SERPING1: variants seen among roughly 807,000 people sequenced by gnomAD.
The protein encoded by SERPING1 is plasma protease C1 inhibitor.
Under a neutral mutation model 34.1 loss-of-function variants are expected in SERPING1, and 5 were observed. The ratio of observed to expected loss-of-function variants is 0.15; its 90% CI spans 0.08 to 0.31. The LOEUF (loss-of-function observed/expected upper bound fraction) is 0.31. Ranked by LOEUF, SERPING1 falls within the 10% of genes least tolerant of loss-of-function variation. The probability of loss-of-function intolerance (pLI) is 1.00; values close to 1 mark genes in which losing one functional copy is unlikely to be tolerated. For synonymous variants in SERPING1, 225 were observed against 242.4 expected (o/e 0.93, Z 0.67); for missense variants, 505 against 609.5 (o/e 0.83, Z 1.81).
chr11:57,603,983 CTG>C (rs1945379691), intron 4 of SERPING1, among the ~76,000 whole-genome samples: 1 of 151,946 alleles, frequency 6.6e-6, no homozygotes, highest in Non-Finnish European at 1.5e-5. Flanking sequence ...AACCCTGTCT[CTG>C]TTAAAAATAC....
intron 6 of SERPING1, among the ~76,000 whole-genome samples, chr11:57,609,505 G>T (rs1945455089): frequency 6.6e-6 from 1 of 152,010 alleles, no homozygotes; most frequent in African/African-American, 2.4e-5. Flanking sequence ...GCTTGAACCC[G>T]GGAGGCGAAG....
In SERPING1 at chr11:57,600,015, C is replaced by G. The variant is rs757332518; in HGVS notation, c.188C>G (p.Ser63Cys). 1 of 1,614,146 alleles carries G rather than the reference C, an allele frequency of 6.2e-7. No homozygotes were observed. ...TTCGTTGAACCCATCCTGGAGGTTT[C>G]CAGCTTGCCGACAACCAACTCAACA... ...MLFVEPILEV[S>C]SLPTTNSTTN... The change falls in exon 3 of 8, where the codon TCC becomes TGC. Residue 63 changes from serine (S) to cysteine (C), a missense_variant. Transcript: ENST00000278407.
chr11:57,610,210 T>C (rs1945463152), intron 6 of SERPING1, among the ~76,000 whole-genome samples: 1 of 152,248 alleles, frequency 6.6e-6, no homozygotes. Context: ...CACCTGGTTT[T>C]AACATGATGA....
At chr11:57,611,446 G>A (rs977116002) in intron 6 of SERPING1, 1 of 526,576 alleles carries the variant, frequency 1.9e-6, no homozygotes, top group Non-Finnish European at 3.4e-6. Flanking sequence ...CAAATCACTT[G>A]CCCATATTAC....
chr11:57,603,792 T>C (rs1379448924), intron 4 of SERPING1, among the ~76,000 whole-genome samples: 1 of 146,958 alleles, frequency 6.8e-6, no homozygotes, highest in Non-Finnish European at 1.5e-5. Context: ...TGAGCCGAGA[T>C]TGCGCCACTG....
rs369447909 is a variant in SERPING1, at chr11:57,611,631, G to A, written c.1030-86G>A. The A allele has an allele frequency of 2.2e-4, 276 of 1,226,816 alleles. 1 individual carries two copies. In the African/African-American group the frequency reaches 3.7e-3, roughly 17 times the overall value. The allele number at this position is 1,226,816 out of a possible 1,614,324, so 76.0% of individuals were successfully genotyped here. On this transcript the variant is annotated intron_variant, in intron 6 of 7. Coordinates refer to ENST00000278407, the MANE Select transcript of SERPING1 (RefSeq NM_000062.3). Reference sequence around the variant, plus strand: ...TGTTGAAATACAGACTGTGGGAGCAGACTGCAGGACAGCATTGTGACAGAG... The same window carrying A: ...TGTTGAAATACAGACTGTGGGAGCAAACTGCAGGACAGCATTGTGACAGAG...
Position 57,614,640 on chromosome 11 carries a change from G to T in SERPING1, c.*59G>T. 6.3e-7 allele frequency: 1 copy of T among 1,586,000 alleles called. No homozygotes were observed. Among genetic ancestry groups the T allele is most frequent in the Non-Finnish European group, 8.5e-7 (1 of 1,170,720 alleles). On this transcript the variant is annotated 3_prime_UTR_variant, in exon 8 of 8. Coordinates refer to ENST00000278407, the MANE Select transcript of SERPING1 (RefSeq NM_000062.3). ...TCTCCAGCCTCAGCTCTCAGTTGCA[G>T]CCCTGCTGCTGCCTGCCTGGACTTG...
intron 4 of SERPING1, 59 bp downstream of exon 4, chr11:57,602,228 G>A: frequency 6.3e-7 from 1 of 1,595,352 alleles, no homozygotes; most frequent in Non-Finnish European, 8.6e-7. Flanking sequence ...ACTCTGAAGG[G>A]GGACCCAGCG....
At chr11:57,606,617 T>C in intron 6 of SERPING1, 70 bp downstream of exon 6, 1 of 1,518,146 alleles carries the variant, frequency 6.6e-7, no homozygotes. Flanking sequence ...TCTGCTGTAG[T>C]CCCATCATTT....
In SERPING1 at chr11:57,600,108, C is replaced by T. The variant is rs1176573502; in HGVS notation, c.281C>T (p.Pro94Leu). ...DEPTTQPTTE[P>L]TTQPTIQPTQ... Reference sequence around the variant, plus strand: ...CCCACCACACAACCCACCACAGAGCCCACCACCCAACCCACCATCCAACCC... The same window carrying T: ...CCCACCACACAACCCACCACAGAGCTCACCACCCAACCCACCATCCAACCC... Residue 94 changes from proline (P) to leucine (L), a missense_variant, in exon 3 of 8, where the codon CCC (proline) becomes CTC (leucine). Physicochemically the swap from Pro to Leu is moderately conservative, Grantham distance 98. Transcript: ENST00000278407. 2.5e-6 allele frequency: 4 copies of T among 1,613,676 alleles called. No individual in the cohort carries two copies. Among genetic ancestry groups the T allele is most frequent in the Non-Finnish European group, 3.4e-6 (4 of 1,179,752 alleles).
rs1945405946 is a variant in SERPING1 at position 57,606,101 on chromosome 11, G to A, written c.777G>A (p.Leu259=). ...RVLSNNSDAN[L]ELINTWVAKN... ...TAAGCAACAACAGTGACGCCAACTT[G>A]GAGCTCATCAACACCTGGGTGGCCA... Residue 259 remains leucine, a synonymous_variant, in exon 5 of 8, where the codon TTG becomes TTA. Coordinates refer to ENST00000278407, the MANE Select transcript of SERPING1 (RefSeq NM_000062.3). The A allele has an allele frequency of 3.7e-6, 6 of 1,613,992 alleles. No individual in the cohort carries two copies. Among genetic ancestry groups the A allele is most frequent in the Non-Finnish European group, 5.1e-6 (6 of 1,180,028 alleles).
At position 57,600,181 on chromosome 11, in the gene SERPING1, T is replaced by C. The variant is rs1274439629; in HGVS notation, c.354T>C (p.Thr118=). 7.0e-7 allele frequency: 1 copy of C among 1,421,648 alleles called. No homozygotes were observed. The allele number at this position is 1,421,648 out of a possible 1,614,324, so 88.1% of individuals were successfully genotyped here. ...CAACAGATTCTCCTACCCAGCCCAC[T>C]ACTGGGTCCTTCTGCCCAGGACCTG... ...QLPTDSPTQP[T]TGSFCPGPVT... is the part of the protein sequence containing the mutation. The change falls in exon 3 of 8, where the codon ACT becomes ACC. Residue 118 remains threonine (T), a synonymous_variant. Transcript: ENST00000278407.
Position 57,600,097 on chromosome 11 carries a change from C to T in SERPING1, c.270C>T (p.Pro90=), listed in dbSNP as rs764407580. Reference sequence around the variant, plus strand: ...CCACTGATGAACCCACCACACAACCCACCACAGAGCCCACCACCCAACCCA... The same window carrying T: ...CCACTGATGAACCCACCACACAACCTACCACAGAGCCCACCACCCAACCCA... ...ANTTDEPTTQ[P]TTEPTTQPTI... The change falls in exon 3 of 8, where the codon CCC becomes CCT. Residue 90 remains proline (P), a synonymous_variant. Transcript: ENST00000278407. The T allele has an allele frequency of 1.2e-6, 2 of 1,613,732 alleles. No individual in the cohort carries two copies. Among genetic ancestry groups the T allele is most frequent in the Non-Finnish European group, 1.7e-6 (2 of 1,179,744 alleles).
intron 7 of SERPING1, 144 bp from the exon 8 acceptor site, chr11:57,614,184 G>A: frequency 2.8e-6 from 3 of 1,058,688 alleles, no homozygotes; most frequent in Non-Finnish European, 4.3e-6. Context: ...CTGCCAGAGG[G>A]TACAGTATGT....
rs1380783158 is a variant in SERPING1, at chr11:57,600,017, A to G, written c.190A>G (p.Ser64Gly). 2 of 1,614,190 alleles carry G rather than the reference A, an allele frequency of 1.2e-6. No homozygotes were observed. The highest frequency in any genetic ancestry group is 1.7e-6 in the Non-Finnish European group (2 of 1,180,042). Residue 64 changes from serine (S) to glycine (G), a missense_variant, in exon 3 of 8, where the codon AGC becomes GGC. Ser to Gly is a moderately conservative substitution (Grantham distance 56). Coordinates refer to ENST00000278407, the MANE Select transcript of SERPING1 (RefSeq NM_000062.3). ...CGTTGAACCCATCCTGGAGGTTTCC[A>G]GCTTGCCGACAACCAACTCAACAAC... ...LFVEPILEVS[S>G]LPTTNSTTNS...
At chr11:57,608,127 G>A (rs1945432690) in intron 6 of SERPING1, among the ~76,000 whole-genome samples, 1 of 152,194 alleles carries the variant, frequency 6.6e-6, no homozygotes, top group South Asian at 2.1e-4. Flanking sequence ...CAGGTCCAGA[G>A]CATTGTTCAA....
chr11:57,601,523 A>G (rs1945347480), intron 3 of SERPING1, among the ~76,000 whole-genome samples: 1 of 152,118 alleles, frequency 6.6e-6, no homozygotes, highest in African/African-American at 2.4e-5. Flanking sequence ...GAATGGCACA[A>G]ACAAATTACT....
chr11:57,607,515 A>G (rs1388315793), intron 6 of SERPING1, among the ~76,000 whole-genome samples: 2 of 152,082 alleles, frequency 1.3e-5, no homozygotes, highest in Non-Finnish European at 2.9e-5. Context: ...GAATACAGGA[A>G]CCTGTCTTGT....
At chr11:57,605,931 C>A in intron 4 of SERPING1, 79 bp from the exon 5 acceptor site, 1 of 1,280,886 alleles carries the variant, frequency 7.8e-7, no homozygotes, top group Non-Finnish European at 1.1e-6. Flanking sequence ...CCATAGAAAG[C>A]ATGCTCACTC....
Sources: allele counts gnomAD v4.1 joint callset (sites outside exome capture counted in the v4.1 genomes callset), GRCh38; gene constraint gnomAD v4.1.1; transcripts MANE v1.5; gene names NCBI Gene and HGNC (gene_info 2026-07-23, HGNC 2026-07-21).